RAB28: variants seen among roughly 807,000 people sequenced by gnomAD.
RAB28 encodes ras-related protein Rab-28.
RAB28 carries 24 observed loss-of-function variants against 31.7 expected under a neutral mutation model. The observed-to-expected ratio is 0.76, with a 90% confidence interval of 0.55 to 1.06. The LOEUF is 1.06. RAB28 is among the 50% of genes least tolerant of loss of function. The pLI is 0.00. For missense variants in RAB28, 254 were observed against 258.5 expected (o/e 0.98, Z 0.12); for synonymous variants, 100 against 90.4 (o/e 1.11, Z -0.60).
At chr4:13,408,319 G>C (rs796628849) in intron 4 of RAB28, among the ~76,000 whole-genome samples, 11 of 152,266 alleles carry the variant, frequency 7.2e-5, no homozygotes, top group African/African-American at 2.6e-4. Flanking sequence ...TACATTTATT[G>C]ATTTGCACAT....
At chr4:13,390,905 C>G (rs1222987782) in intron 4 of RAB28, among the ~76,000 whole-genome samples, 1 of 152,074 alleles carries the variant, frequency 6.6e-6, no homozygotes, top group Non-Finnish European at 1.5e-5. Context: ...AAAATTAATT[C>G]AAGATGGATT....
At chr4:13,433,159 A>G (rs976848891) in intron 4 of RAB28, among the ~76,000 whole-genome samples, 5 of 151,750 alleles carry the variant, frequency 3.3e-5, no homozygotes, top group African/African-American at 1.2e-4. Flanking sequence ...AAGAAAAAAA[A>G]GAGCAGGGGT....
intron 4 of RAB28, among the ~76,000 whole-genome samples, chr4:13,382,100 G>A (rs1015696749): frequency 1.3e-5 from 2 of 152,158 alleles, no homozygotes. Context: ...ATATTACATT[G>A]TGTGTTTACA....
intron 4 of RAB28, among the ~76,000 whole-genome samples, chr4:13,393,673 T>C (rs887423960): frequency 6.6e-6 from 1 of 151,664 alleles, no homozygotes; most frequent in African/African-American, 2.4e-5. Context: ...TGACATTTTC[T>C]TCGGTTTACC....
At chr4:13,371,806 G>T in intron 6 of RAB28, 1 of 1,546,862 alleles carries the variant, frequency 6.5e-7, no homozygotes. Flanking sequence ...TTTATTTTTA[G>T]AGCCACAAAG....
At chr4:13,431,345 G>A (rs1198779291) in intron 4 of RAB28, among the ~76,000 whole-genome samples, 3 of 152,146 alleles carry the variant, frequency 2.0e-5, no homozygotes, top group Non-Finnish European at 4.4e-5. Context: ...GGCTCAAGAT[G>A]AAGAGCTGGT....
At chr4:13,376,418 C>A (rs1728923845) in intron 6 of RAB28, 127 bp downstream of exon 6, 1 of 595,530 alleles carries the variant, frequency 1.7e-6, no homozygotes. Context: ...TTCATACATA[C>A]AATCTATTCC....
intron 6 of RAB28, chr4:13,371,036 A>T (rs1400609008): frequency 1.7e-5 from 17 of 983,474 alleles, no homozygotes; most frequent in Non-Finnish European, 7.2e-6. Flanking sequence ...TCATAATAGC[A>T]TCTATTAATT....
intron 4 of RAB28, among the ~76,000 whole-genome samples, chr4:13,392,326 T>C (rs905179064): frequency 1.3e-5 from 2 of 152,190 alleles, no homozygotes; most frequent in Admixed American, 6.5e-5. Context: ...ATATCAAATA[T>C]CTTTATAAAG....
rs553776458 is a variant in RAB28 at position 13,416,010 on chromosome 4, C to A, written c.392-34416G>T. Among the ~76,000 whole-genome samples, 3 of 152,312 alleles carry A rather than the reference C, an allele frequency of 2.0e-5. No individual in the cohort carries two copies. In the East Asian group the frequency reaches 5.8e-4, roughly 29 times the overall value. On this transcript the variant is annotated intron_variant, in intron 4 of 6. Coordinates refer to ENST00000330852, the MANE Select transcript of RAB28 (RefSeq NM_001017979.3). ...AATCGACACTCTGTATCTAGCTACT[C>A]TGTTAGGGACTTGGAGAACCTTTGT...
intron 6 of RAB28, 125 bp downstream of exon 6, chr4:13,376,420 A>G: frequency 1.6e-6 from 1 of 613,410 alleles, no homozygotes; most frequent in South Asian, 2.8e-5. Flanking sequence ...CATACATACA[A>G]TCTATTCCCA....
At chr4:13,378,926 A>G (rs1223117435) in intron 5 of RAB28, among the ~76,000 whole-genome samples, 2 of 152,114 alleles carry the variant, frequency 1.3e-5, no homozygotes, top group African/African-American at 4.8e-5. Flanking sequence ...TGAAATAGTC[A>G]TCGGCCTGGT....
intron 4 of RAB28, among the ~76,000 whole-genome samples, chr4:13,408,102 G>T (rs1712207483): frequency 6.6e-6 from 1 of 152,172 alleles, no homozygotes; most frequent in African/African-American, 2.4e-5. Context: ...TTTTCAAAGG[G>T]AATGCTTCCA....
At chr4:13,419,761 G>A (rs1387348203) in intron 4 of RAB28, among the ~76,000 whole-genome samples, 3 of 152,122 alleles carry the variant, frequency 2.0e-5, no homozygotes, top group African/African-American at 4.8e-5. Flanking sequence ...AGTGTGTAGA[G>A]GGAAATTCAT....
At chr4:13,372,249 T>C (rs1303428864) in intron 6 of RAB28, among the ~76,000 whole-genome samples, 1 of 152,094 alleles carries the variant, frequency 6.6e-6, no homozygotes, top group African/African-American at 2.4e-5. Flanking sequence ...CTGGCATACA[T>C]TCAAAGTGCA....
chr4:13,412,211 G>C (rs1018252657), intron 4 of RAB28, among the ~76,000 whole-genome samples: 3 of 151,854 alleles, frequency 2.0e-5, no homozygotes, highest in Non-Finnish European at 4.4e-5. Context: ...GAGCTATCCA[G>C]ACTGCAAAAC....
At chr4:13,439,272 A>G (rs1714287857) in intron 4 of RAB28, among the ~76,000 whole-genome samples, 1 of 152,138 alleles carries the variant, frequency 6.6e-6, no homozygotes, top group Non-Finnish European at 1.5e-5. Flanking sequence ...TTTTGATGTA[A>G]TATTTTTTTC....
intron 4 of RAB28, among the ~76,000 whole-genome samples, chr4:13,396,006 G>C (rs899682929): frequency 4.0e-5 from 6 of 151,674 alleles, no homozygotes; most frequent in Admixed American, 3.3e-4. Context: ...ATGTCTACTT[G>C]CTGTCGATGG....
At chr4:13,388,855 T>C (rs1390488047) in intron 4 of RAB28, among the ~76,000 whole-genome samples, 2 of 152,074 alleles carry the variant, frequency 1.3e-5, no homozygotes, top group African/African-American at 2.4e-5. Context: ...TTGGTGGGAC[T>C]GTAAAGTGGT....
Sources: allele counts gnomAD v4.1 joint callset (sites outside exome capture counted in the v4.1 genomes callset), GRCh38; gene constraint gnomAD v4.1.1; transcripts MANE v1.5; gene names NCBI Gene and HGNC (gene_info 2026-07-23, HGNC 2026-07-21).